DHX30: variants seen among roughly 807,000 people sequenced by gnomAD.
DHX30 encodes DExH-box helicase 30, also known as ATP-dependent RNA helicase DHX30.
A neutral mutation model predicts 116.9 loss-of-function variants in DHX30; 4 were observed. The ratio of observed to expected loss-of-function variants is 0.03; its 90% confidence interval spans 0.02 to 0.08. The LOEUF is 0.08. Ranked by LOEUF, DHX30 falls within the 10% of genes least tolerant of loss-of-function variation. DHX30 has a pLI of 1.00. For synonymous variants in DHX30, 697 were observed against 651.7 expected (o/e 1.07, Z -1.06); for missense variants, 871 against 1,595.1 (o/e 0.55, Z 7.73).
chr3:47,806,538 C>A (rs1455392190), intron 2 of DHX30, among the ~76,000 whole-genome samples: 1 of 144,434 alleles, frequency 6.9e-6, no homozygotes, highest in African/African-American at 2.6e-5. Context: ...CTCCGCCTCC[C>A]GGGTTCAAGC....
chr3:47,823,080 G>A (rs1174218647), intron 4 of DHX30, among the ~76,000 whole-genome samples: 6 of 139,866 alleles, frequency 4.3e-5, no homozygotes, highest in Non-Finnish European at 6.1e-5. Flanking sequence ...GCAACAGAGC[G>A]AGACTCCATC....
At chr3:47,819,938 G>A (rs1345248067) in intron 4 of DHX30, among the ~76,000 whole-genome samples, 1 of 152,148 alleles carries the variant, frequency 6.6e-6, no homozygotes, top group Non-Finnish European at 1.5e-5. Context: ...GCAGGATCTT[G>A]GGGGCCACAA....
In DHX30 at chr3:47,847,657, T is replaced by G. The variant is rs2037677429; in HGVS notation, c.2110+121T>G. On this transcript the variant is annotated intron_variant, in intron 13 of 21. Transcript: ENST00000445061. This position sits in a 1 kb window ranked among gnomAD's most constrained non-coding sequence, Gnocchi z 5.5. ...CTGACCAAGCTGTGGCACTTTTCAC[T>G]GGGCATAGTGTTTATCTGCGCCTGT... 1.4e-6 allele frequency: 2 copies of G among 1,457,574 alleles called. No individual in the cohort carries two copies. Among genetic ancestry groups the G allele is most frequent in the Admixed American group, 2.3e-5 (1 of 44,038 alleles). 90.3% of individuals were successfully genotyped at this position (1,457,574 alleles called of 1,614,324 possible).
In DHX30 at chr3:47,848,511, A is replaced by G. The variant is rs2037718811; in HGVS notation, c.2536A>G (p.Lys846Glu). ...CAAGGCTGTGGACAGTCCAAACATCAAGGCAGTGGACGAGGCTGTGATCTT... is the reference window on the plus strand; with the variant it reads ...CAAGGCTGTGGACAGTCCAAACATCGAGGCAGTGGACGAGGCTGTGATCTT... ...LSKAVDSPNIKAVDEAVILLQ... is the reference protein window; with the variant it reads ...LSKAVDSPNIEAVDEAVILLQ... The change falls in exon 16 of 22, where the codon AAG becomes GAG. Residue 846 changes from lysine (K) to glutamate (E), a missense_variant. Lys to Glu is a moderately conservative substitution (Grantham distance 56). This residue lies in a region of DHX30 where 238 missense variants were observed against 481.0 expected (regional missense o/e 0.49). Transcript: ENST00000445061. The surrounding 1 kb of genome is among the most constrained non-coding windows in gnomAD (Gnocchi z 9.4). 6.2e-7 allele frequency: 1 copy of G among 1,613,542 alleles called. No homozygotes were observed. Among genetic ancestry groups the G allele is most frequent in the Admixed American group, 1.7e-5 (1 of 59,968 alleles).
chr3:47,836,521 T>C (rs1576501016), intron 6 of DHX30, among the ~76,000 whole-genome samples: 1 of 151,294 alleles, frequency 6.6e-6, no homozygotes, highest in African/African-American at 2.5e-5. Flanking sequence ...AGTTTTGTTT[T>C]GTTTTGTTTT....
At chr3:47,805,565 G>C in intron 2 of DHX30, 145 bp downstream of exon 2, 1 of 383,972 alleles carries the variant, frequency 2.6e-6, no homozygotes, top group Non-Finnish European at 4.6e-6. Flanking sequence ...TTGAGACAGA[G>C]TCTCGCTTTG....
At chr3:47,829,202 G>A in intron 6 of DHX30, 68 bp downstream of exon 6, 1 of 808,520 alleles carries the variant, frequency 1.2e-6, no homozygotes, top group Non-Finnish European at 1.9e-6. Flanking sequence ...TGTTTTTATT[G>A]GTAGAGGTTG....
At chr3:47,827,647 C>T (rs1432423372) in intron 5 of DHX30, among the ~76,000 whole-genome samples, 170 bp downstream of exon 5, 1 of 152,148 alleles carries the variant, frequency 6.6e-6, no homozygotes, top group Non-Finnish European at 1.5e-5. Context: ...CCAGAATACA[C>T]GTGCCTGGTT....
At chr3:47,834,141 T>C (rs1454668432) in intron 6 of DHX30, among the ~76,000 whole-genome samples, 2 of 152,166 alleles carry the variant, frequency 1.3e-5, no homozygotes, top group Non-Finnish European at 2.9e-5. Flanking sequence ...TCTCGGCCTG[T>C]TGCCCAGGCT....
chr3:47,829,316 T>TATATATATATATATA (rs139342520), intron 6 of DHX30, among the ~76,000 whole-genome samples, 182 bp downstream of exon 6: 17 of 33,248 alleles, frequency 5.1e-4, no homozygotes, highest in African/African-American at 2.2e-3. Flanking sequence ...ATATATATAT[T>TATATATATATATATA]TTTTTTTTTT....
chr3:47,804,880 A>G (rs562869761), intron 1 of DHX30, among the ~76,000 whole-genome samples: 2 of 152,318 alleles, frequency 1.3e-5, no homozygotes, highest in South Asian at 2.1e-4. Flanking sequence ...TAAATGGGGT[A>G]AAGTCTATGG....
At position 47,845,685 on chromosome 3, in the gene DHX30, C is replaced by A; in HGVS notation, c.940-15C>A. 6.3e-7 allele frequency: 1 copy of A among 1,575,738 alleles called. No individual in the cohort carries two copies. The highest frequency in any genetic ancestry group is 8.7e-7 in the Non-Finnish European group (1 of 1,151,964). On this transcript the variant is annotated splice_polypyrimidine_tract_variant and intron_variant, in intron 9 of 21. Transcript: ENST00000445061. ...GCCCCAGAGCATAGACTGAGTCTTGCATGTCCCCCTGCAGAGCCTGGGCCT... is the reference window on the plus strand; with the variant it reads ...GCCCCAGAGCATAGACTGAGTCTTGAATGTCCCCCTGCAGAGCCTGGGCCT...
At chr3:47,821,329 G>A (rs1454759730) in intron 4 of DHX30, among the ~76,000 whole-genome samples, 10 of 151,726 alleles carry the variant, frequency 6.6e-5, no homozygotes, top group African/African-American at 1.7e-4. Context: ...GCAATGGTGC[G>A]ATCTTGGCTC....
intron 4 of DHX30, among the ~76,000 whole-genome samples, chr3:47,822,588 C>A (rs1276987403): frequency 6.6e-6 from 1 of 151,892 alleles, no homozygotes; most frequent in Non-Finnish European, 1.5e-5. Flanking sequence ...AGTTCAAGAC[C>A]AGCCTGGCCA....
Position 47,829,314 on chromosome 3 carries a change from ATTT to A in DHX30, c.366+194_366+196del, listed in dbSNP as rs10683438. Among the ~76,000 whole-genome samples the A allele has an allele frequency of 3.9e-3, 132 of 34,182 alleles. 1 individual carries two copies. The highest frequency in any genetic ancestry group is 0.011 in the African/African-American group (95 of 8,860). The allele number at this position is 34,182 out of a possible 152,430, so 22.4% of individuals were successfully genotyped here. A position where few individuals can be genotyped will look rare whatever the true frequency, so the allele number is the denominator to read the frequency against. On this transcript the variant is annotated intron_variant, in intron 6 of 21. Transcript: ENST00000445061. ...TATATATATATATATATATATATAT[ATTT>A]TTTTTTTTTTTTTCCTGTGTTTTTG...
chr3:47,816,112 G>T (rs1445852479), intron 3 of DHX30: 1 of 984,472 alleles, frequency 1.0e-6, no homozygotes, highest in African/African-American at 1.8e-5. Flanking sequence ...CTACAAGCAC[G>T]TCTGCTGTAA....
intron 3 of DHX30, among the ~76,000 whole-genome samples, chr3:47,814,815 C>T (rs1031168100): frequency 9.2e-5 from 14 of 151,550 alleles, no homozygotes; most frequent in East Asian, 1.9e-4. Context: ...CCACCACGCC[C>T]GGCCGTTTTT....
At chr3:47,842,373 A>G (rs2037417054) in intron 8 of DHX30, 1 of 152,754 alleles carries the variant, frequency 6.5e-6, no homozygotes. Flanking sequence ...ATAACAACAT[A>G]AAACCTTGAG....
chr3:47,831,755 C>A (rs1202265663), intron 6 of DHX30, among the ~76,000 whole-genome samples: 2 of 151,338 alleles, frequency 1.3e-5, no homozygotes, highest in African/African-American at 4.9e-5. Flanking sequence ...AAGCCATCCT[C>A]CCGCCTCAGC....
Sources: allele counts gnomAD v4.1 joint callset (sites outside exome capture counted in the v4.1 genomes callset), GRCh38; gene constraint gnomAD v4.1.1; regional missense constraint gnomAD v4.1.1; non-coding constraint Gnocchi (gnomAD v3.1); transcripts MANE v1.5; gene names NCBI Gene and HGNC (gene_info 2026-07-23, HGNC 2026-07-21).